Variants in HIKESHI observed in about 807,000 individuals in gnomAD.
HIKESHI encodes protein Hikeshi.
HIKESHI carries 13 observed loss-of-function variants against 25.7 expected under a neutral mutation model. The ratio of observed to expected loss-of-function variants is 0.51; its 90% CI spans 0.33 to 0.80. The LOEUF (loss-of-function observed/expected upper bound fraction) is 0.80, where lower values mean the gene tolerates loss of function less well. HIKESHI is among the 30% of genes least tolerant of loss of function. The pLI is 0.02. For synonymous variants in HIKESHI, 76 were observed against 78.7 expected (o/e 0.97, Z 0.18); for missense variants, 174 against 229.5 (o/e 0.76, Z 1.56).
At chr11:86,332,015 C>G (rs1321986137) in intron 2 of HIKESHI, among the ~76,000 whole-genome samples, 2 of 144,046 alleles carry the variant, frequency 1.4e-5, no homozygotes, top group Admixed American at 7.1e-5. Context: ...GAGTCTTGCT[C>G]TGTCGCTCAG....
chr11:86,308,494 C>T (rs944535331), intron 2 of HIKESHI, among the ~76,000 whole-genome samples: 11 of 147,996 alleles, frequency 7.4e-5, no homozygotes, highest in South Asian at 2.1e-4. Context: ...GATTGTTGAA[C>T]GAGATTTGAT....
Position 86,320,459 on chromosome 11 carries a change from C to G in HIKESHI, c.268+13977C>G, listed in dbSNP as rs1012493501. Among the ~76,000 whole-genome samples, 14 of 152,290 alleles carry G rather than the reference C, an allele frequency of 9.2e-5. No homozygotes were observed. The East Asian group carries it at 2.7e-3, about 29-fold the overall frequency. On this transcript the variant is annotated intron_variant, in intron 2 of 4. Coordinates refer to ENST00000278483, the MANE Select transcript of HIKESHI (RefSeq NM_016401.4). Reference sequence around the variant, plus strand: ...GGCGTGCTGGCAGGCGCCTGTAATCCCAGCTACTCGGGAGGCTGAGGCAGG... The same window carrying G: ...GGCGTGCTGGCAGGCGCCTGTAATCGCAGCTACTCGGGAGGCTGAGGCAGG...
At chr11:86,321,243 A>G (rs755443997) in intron 2 of HIKESHI, among the ~76,000 whole-genome samples, 1 of 151,498 alleles carries the variant, frequency 6.6e-6, no homozygotes, top group Non-Finnish European at 1.5e-5. Context: ...CGTTTTTTTC[A>G]CTTTTATATG....
At chr11:86,335,842 A>G (rs1947540366) in intron 2 of HIKESHI, among the ~76,000 whole-genome samples, 1 of 152,240 alleles carries the variant, frequency 6.6e-6, no homozygotes, top group Non-Finnish European at 1.5e-5. Context: ...GCGTCGTCAC[A>G]TTGTAATATT....
At chr11:86,339,363 T>G (rs1403032781) in intron 3 of HIKESHI, among the ~76,000 whole-genome samples, 1 of 152,244 alleles carries the variant, frequency 6.6e-6, no homozygotes, top group African/African-American at 2.4e-5. Flanking sequence ...CAGGCATTTC[T>G]AAGCACTCAT....
At chr11:86,342,283 T>C (rs776358027) in intron 3 of HIKESHI, among the ~76,000 whole-genome samples, 2 of 152,252 alleles carry the variant, frequency 1.3e-5, no homozygotes, top group African/African-American at 2.4e-5. Flanking sequence ...AATAATCCTT[T>C]GTAAATACAT....
At chr11:86,318,614 T>C (rs1446535909) in intron 2 of HIKESHI, among the ~76,000 whole-genome samples, 1 of 152,124 alleles carries the variant, frequency 6.6e-6, no homozygotes, top group African/African-American at 2.4e-5. Context: ...TTTTATCTAG[T>C]ACCTTAAATA....
chr11:86,312,805 C>T (rs1040237926), intron 2 of HIKESHI, among the ~76,000 whole-genome samples: 1 of 152,112 alleles, frequency 6.6e-6, no homozygotes. Context: ...TTTATTTCTC[C>T]TTCACTTATG....
At chr11:86,338,295 G>T (rs1406704588) in intron 3 of HIKESHI, among the ~76,000 whole-genome samples, 1 of 152,166 alleles carries the variant, frequency 6.6e-6, no homozygotes, top group East Asian at 1.9e-4. Flanking sequence ...TTCTGTTCCT[G>T]ACTTCTTAGC....
chr11:86,327,275 C>T (rs1009414577), intron 2 of HIKESHI, among the ~76,000 whole-genome samples: 1 of 151,754 alleles, frequency 6.6e-6, no homozygotes, highest in Non-Finnish European at 1.5e-5. Context: ...TCTTTCACAG[C>T]ATCCTTAAGA....
At chr11:86,330,189 A>G (rs1355226152) in intron 2 of HIKESHI, among the ~76,000 whole-genome samples, 2 of 152,156 alleles carry the variant, frequency 1.3e-5, no homozygotes, top group African/African-American at 4.8e-5. Flanking sequence ...ACAGTGTTCC[A>G]AGAATTAATA....
At chr11:86,326,050 C>CGAAG (rs973228694) in intron 2 of HIKESHI, among the ~76,000 whole-genome samples, 29 of 152,136 alleles carry the variant, frequency 1.9e-4, no homozygotes, top group African/African-American at 6.8e-4. Context: ...GTAATCCCAG[C>CGAAG]ACTTTGGGAG....
At chr11:86,317,501 G>A (rs1052260061) in intron 2 of HIKESHI, among the ~76,000 whole-genome samples, 1 of 152,136 alleles carries the variant, frequency 6.6e-6, no homozygotes, top group Non-Finnish European at 1.5e-5. Context: ...GAAAAGATGA[G>A]CCTCTAAAAG....
Position 86,344,674 on chromosome 11 carries a change from A to G in HIKESHI, c.492A>G (p.Thr164=). 1 of 1,612,666 alleles carries G rather than the reference A, an allele frequency of 6.2e-7. No individual in the cohort carries two copies. Among genetic ancestry groups the G allele is most frequent in the Non-Finnish European group, 8.5e-7 (1 of 1,178,772 alleles). ...SSFAVSQAQM[T]PSPSEMFIPA... Reference sequence around the variant, plus strand: ...TTGCTGTCTCTCAGGCCCAGATGACACCAAGCCCATCTGAAATGTTCATTC... The same window carrying G: ...TTGCTGTCTCTCAGGCCCAGATGACGCCAAGCCCATCTGAAATGTTCATTC... Residue 164 remains threonine, a synonymous_variant, in exon 4 of 5, where the codon ACA becomes ACG. Coordinates refer to ENST00000278483, the MANE Select transcript of HIKESHI (RefSeq NM_016401.4).
chr11:86,305,652 A>G (rs930710184), intron 1 of HIKESHI, among the ~76,000 whole-genome samples: 2 of 152,074 alleles, frequency 1.3e-5, no homozygotes, highest in Non-Finnish European at 2.9e-5. Context: ...TGCCAGGATT[A>G]CAGCCGTGAG....
chr11:86,335,643 T>G (rs1326420939), intron 2 of HIKESHI, among the ~76,000 whole-genome samples: 1 of 152,222 alleles, frequency 6.6e-6, no homozygotes, highest in Admixed American at 6.5e-5. Context: ...ATTTTTTGGT[T>G]GCAGAGGTTT....
intron 2 of HIKESHI, among the ~76,000 whole-genome samples, chr11:86,318,159 C>T (rs1201995983): frequency 6.6e-6 from 1 of 151,446 alleles, no homozygotes; most frequent in East Asian, 1.9e-4. Context: ...AAAAAAATAG[C>T]CGGGCGTGGT....
rs557279818 is a variant in HIKESHI, at chr11:86,313,325, G to C, written c.268+6843G>C. Among the ~76,000 whole-genome samples the C allele has an allele frequency of 2.2e-3, 339 of 152,218 alleles. 1 individual carries two copies. The highest frequency in any genetic ancestry group is 3.8e-3 in the Non-Finnish European group (256 of 68,012). On this transcript the variant is annotated intron_variant, in intron 2 of 4. Coordinates refer to ENST00000278483, the MANE Select transcript of HIKESHI (RefSeq NM_016401.4). ...TGCTCACTGCAATCTCCACCTCCCG[G>C]GTTCAAGTGATTCTCCTGCCTCAGA...
At chr11:86,323,411 A>G (rs1286002533) in intron 2 of HIKESHI, among the ~76,000 whole-genome samples, 1 of 152,192 alleles carries the variant, frequency 6.6e-6, no homozygotes, top group African/African-American at 2.4e-5. Flanking sequence ...TATAATAATC[A>G]TAAGCAATAC....
Sources: allele counts gnomAD v4.1 joint callset (sites outside exome capture counted in the v4.1 genomes callset), GRCh38; gene constraint gnomAD v4.1.1; transcripts MANE v1.5; gene names NCBI Gene and HGNC (gene_info 2026-07-23, HGNC 2026-07-21).